CNTNAP5: variants seen among roughly 807,000 people sequenced by gnomAD.
The protein encoded by CNTNAP5 is contactin associated protein family member 5, also known as contactin-associated protein-like 5.
CNTNAP5 carries 72 observed loss-of-function variants against 150.2 expected under a neutral mutation model. The ratio of observed to expected loss-of-function variants is 0.48; its 90% CI spans 0.40 to 0.58. CNTNAP5 has a LOEUF of 0.58. Among genes scored for constraint, CNTNAP5 ranks in the 20% least tolerant of loss-of-function variants. The pLI is 0.00. For synonymous variants in CNTNAP5, 672 were observed against 619.8 expected (o/e 1.08, Z -1.25); for missense variants, 1,636 against 1,626.2 (o/e 1.01, Z -0.10).
intron 1 of CNTNAP5, among the ~76,000 whole-genome samples, chr2:124,041,070 G>C (rs1681358586): frequency 6.6e-6 from 1 of 152,176 alleles, no homozygotes; most frequent in Non-Finnish European, 1.5e-5. Context: ...ATTAAGCACA[G>C]ACTGTGGCTT....
At chr2:124,855,708 A>C (rs10204235) in intron 19 of CNTNAP5, among the ~76,000 whole-genome samples, 8 of 152,020 alleles carry the variant, frequency 5.3e-5, no homozygotes, top group Non-Finnish European at 1.2e-4. Context: ...ATTTTATTTT[A>C]TTTTTCAAAA....
intron 6 of CNTNAP5, among the ~76,000 whole-genome samples, chr2:124,457,969 T>C (rs777479102): frequency 4.6e-5 from 7 of 151,576 alleles, no homozygotes; most frequent in Non-Finnish European, 1.5e-5. Flanking sequence ...TTAGTGGCAA[T>C]GTAAACTAGT....
At chr2:124,515,564 C>T (rs113568115) in intron 8 of CNTNAP5, among the ~76,000 whole-genome samples, 3,145 of 152,058 alleles carry the variant, frequency 0.021, 109 homozygotes, top group African/African-American at 0.07. Context: ...TTTATATGCC[C>T]TGCACTGTGC....
intron 1 of CNTNAP5, among the ~76,000 whole-genome samples, chr2:124,089,494 T>A (rs769002317): frequency 3.9e-5 from 6 of 152,176 alleles, no homozygotes; most frequent in Non-Finnish European, 4.4e-5. Flanking sequence ...TGTGGCTCAC[T>A]TACCAGCTCC....
At chr2:124,352,131 A>T (rs931434083) in intron 3 of CNTNAP5, among the ~76,000 whole-genome samples, 2 of 152,014 alleles carry the variant, frequency 1.3e-5, no homozygotes, top group African/African-American at 4.8e-5. Flanking sequence ...CAGGCACACA[A>T]GATAATTATC....
chr2:124,885,752 G>A (rs571950663), intron 21 of CNTNAP5, among the ~76,000 whole-genome samples: 1 of 151,936 alleles, frequency 6.6e-6, no homozygotes, highest in Non-Finnish European at 1.5e-5. Context: ...CTTTCACTTA[G>A]CATAGTTTTG....
intron 1 of CNTNAP5, among the ~76,000 whole-genome samples, chr2:124,123,132 G>A (rs528532993): frequency 3.5e-3 from 528 of 152,124 alleles, no homozygotes; most frequent in Non-Finnish European, 5.9e-3. Flanking sequence ...GCAAGGGGTC[G>A]GGGAATTCCC....
chr2:124,157,062 G>A (rs1274969818), intron 1 of CNTNAP5, among the ~76,000 whole-genome samples: 1 of 152,228 alleles, frequency 6.6e-6, no homozygotes, highest in Non-Finnish European at 1.5e-5. Context: ...CCCTAACTGT[G>A]TTCCACTAGT....
chr2:124,510,273 C>CTATATCTATATCTATATATCTA (rs1694531604), intron 8 of CNTNAP5, among the ~76,000 whole-genome samples: 1 of 33,918 alleles, frequency 2.9e-5, no homozygotes, highest in Non-Finnish European at 6.3e-5. Flanking sequence ...ATCTATATAT[C>CTATATCTATATCTATATATCTA]TATATCTATA....
chr2:124,655,945 G>GAAAGAAAGAAATAA lies in CNTNAP5; in HGVS notation c.2077+7988_2077+7989insAAGAAAGAAATAAA, dbSNP rs1553427799. ...AGAAAGAGAGAGAGAGAGAGAGAGAGAGAAAGAAAGAAAGAAAGAAAGAAA... is the reference window on the plus strand; with the variant it reads ...AGAAAGAGAGAGAGAGAGAGAGAGAGAAAGAAAGAAATAAAGAAAGAAAGAAAGAAAGAAAGAAA... On this transcript the variant is annotated intron_variant, in intron 13 of 23. Transcript: ENST00000682447. Among the ~76,000 whole-genome samples, 60 of 55,520 alleles carry GAAAGAAAGAAATAA rather than the reference G, an allele frequency of 1.1e-3. 1 individual carries two copies. Among genetic ancestry groups the GAAAGAAAGAAATAA allele is most frequent in the African/African-American group, 4.3e-3 (58 of 13,376 alleles). The allele number at this position is 55,520 out of a possible 152,430, so 36.4% of individuals were successfully genotyped here.
intron 19 of CNTNAP5, among the ~76,000 whole-genome samples, chr2:124,836,110 A>G (rs1682824011): frequency 6.6e-6 from 1 of 152,150 alleles, no homozygotes; most frequent in South Asian, 2.1e-4. Context: ...AGAAGGTAGA[A>G]GGGAGAAAGA....
chr2:124,316,835 G>GA (rs1219339776), intron 3 of CNTNAP5, among the ~76,000 whole-genome samples: 3 of 130,584 alleles, frequency 2.3e-5, no homozygotes, highest in African/African-American at 2.8e-5. Flanking sequence ...AAAAGAAAAA[G>GA]AAAAAAAAGA....
intron 3 of CNTNAP5, among the ~76,000 whole-genome samples, chr2:124,359,189 C>G (rs1346773806): frequency 6.6e-5 from 10 of 151,992 alleles, no homozygotes; most frequent in African/African-American, 2.4e-4. Flanking sequence ...TTTGATCCTT[C>G]TCTCTTTTTT....
intron 13 of CNTNAP5, among the ~76,000 whole-genome samples, chr2:124,662,491 T>C (rs769774389): frequency 3.9e-5 from 6 of 152,222 alleles, no homozygotes; most frequent in Non-Finnish European, 7.3e-5. Context: ...ATACATGTAT[T>C]TATATAAATG....
chr2:124,870,447 G>T (rs963731700), intron 21 of CNTNAP5, among the ~76,000 whole-genome samples: 2 of 151,700 alleles, frequency 1.3e-5, no homozygotes, highest in African/African-American at 4.9e-5. Context: ...ATCTTGTGAA[G>T]AACATACTGC....
intron 1 of CNTNAP5, among the ~76,000 whole-genome samples, chr2:124,198,350 C>T (rs925763835): frequency 1.3e-5 from 2 of 152,094 alleles, no homozygotes; most frequent in African/African-American, 2.4e-5. Flanking sequence ...TAGATTTTTA[C>T]TCCCTTCTTA....
chr2:124,345,169 T>C (rs1689707479), intron 3 of CNTNAP5, among the ~76,000 whole-genome samples: 1 of 152,242 alleles, frequency 6.6e-6, no homozygotes, highest in African/African-American at 2.4e-5. Flanking sequence ...GAGTCCTTTG[T>C]ATGGAAAGCA....
In CNTNAP5 at chr2:124,198,720, GC is replaced by G. The variant is rs1379192115; in HGVS notation, c.83-22984del. Among the ~76,000 whole-genome samples the G allele has an allele frequency of 2.2e-4, 34 of 151,348 alleles. 1 individual carries two copies. The highest frequency in any genetic ancestry group is 8.0e-4 in the African/African-American group (33 of 41,296). On this transcript the variant is annotated intron_variant, in intron 1 of 23. Coordinates refer to ENST00000682447, the MANE Select transcript of CNTNAP5 (RefSeq NM_001367498.1). ...ATTTTGCTTAAGAAATAGTTTTTTA[GC>G]TTAAAGTCATAAAGACATTGTCTTA...
At chr2:124,034,229 G>A (rs1267707600) in intron 1 of CNTNAP5, among the ~76,000 whole-genome samples, 1 of 152,180 alleles carries the variant, frequency 6.6e-6, no homozygotes, top group Non-Finnish European at 1.5e-5. Context: ...GTAAGTATGA[G>A]TGGCTCTGCA....
Sources: gnomAD v4.1 joint callset for allele counts (sites outside exome capture counted in the v4.1 genomes callset) on GRCh38, gnomAD v4.1.1 for gene constraint, MANE v1.5 for transcripts, NCBI Gene and HGNC (gene_info 2026-07-23, HGNC 2026-07-21) for gene names.